The following TUT4 variants were observed in gnomAD, a reference collection of about 807,000 sequenced individuals.
The protein encoded by TUT4 is terminal uridylyl transferase 4.
A neutral mutation model predicts 192.2 loss-of-function variants in TUT4; 36 were observed. That is an observed-to-expected ratio of 0.19 (90% CI 0.14 to 0.25). The LOEUF (loss-of-function observed/expected upper bound fraction) is 0.25, where lower values mean the gene tolerates loss of function less well. Among genes scored for constraint, TUT4 ranks in the 10% least tolerant of loss-of-function variants. The pLI, the probability that TUT4 is intolerant of heterozygous loss-of-function variation, is 1.00. For synonymous variants in TUT4, 618 were observed against 666.0 expected (o/e 0.93, Z 1.11); for missense variants, 1,493 against 1,957.2 (o/e 0.76, Z 4.47).
chr1:52,453,439 TA>T (rs898211483), intron 20 of TUT4, among the ~76,000 whole-genome samples: 5 of 151,106 alleles, frequency 3.3e-5, no homozygotes, highest in African/African-American at 1.2e-4. Flanking sequence ...TTCTCCTTAG[TA>T]ACCCATCACA....
At chr1:52,456,102 A>G (rs1000873827) in intron 20 of TUT4, among the ~76,000 whole-genome samples, 1 of 152,154 alleles carries the variant, frequency 6.6e-6, no homozygotes, top group Non-Finnish European at 1.5e-5. Context: ...AGTATTACTG[A>G]GCACTAAAAA....
intron 1 of TUT4, chr1:52,529,665 ATT>A (rs1360689924): frequency 6.6e-6 from 1 of 152,210 alleles, no homozygotes; most frequent in Non-Finnish European, 1.5e-5. Flanking sequence ...CTTGTAAAAC[ATT>A]TTAGACAATT....
chr1:52,544,179 T>C (rs1687457880), intron 1 of TUT4, among the ~76,000 whole-genome samples: 1 of 151,524 alleles, frequency 6.6e-6, no homozygotes, highest in African/African-American at 2.4e-5. Flanking sequence ...CCCAGGCTAC[T>C]CGGGAGGCTG....
In TUT4 at chr1:52,481,838, T is replaced by G; in HGVS notation, c.1601A>C (p.Lys534Thr). Residue 534 changes from lysine (K) to threonine (T), a missense_variant, in exon 10 of 30, where the codon AAA becomes ACA. Physicochemically the swap from Lys to Thr is moderately conservative, Grantham distance 78. This residue lies in a region of TUT4 where 437 missense variants were observed against 577.6 expected (regional missense o/e 0.76). Coordinates refer to ENST00000257177, the MANE Select transcript of TUT4 (RefSeq NM_001009881.3). ...LMVMFFLQQRKPPLLPCLLGS... is the reference protein window; with the variant it reads ...LMVMFFLQQRTPPLLPCLLGS... ...AAGTAAGCAAGGAAGAAGAGGGGGT[T>G]TTCTCTGTTGTAGAAAAAACATCAC... is the stretch of plus-strand genomic sequence containing the variant. The G allele has an allele frequency of 6.3e-7, 1 of 1,596,988 alleles. No individual in the cohort carries two copies. Among genetic ancestry groups the G allele is most frequent in the African/African-American group, 1.4e-5 (1 of 73,992 alleles).
intron 8 of TUT4, 144 bp downstream of exon 8, chr1:52,490,588 T>C: frequency 1.7e-6 from 1 of 579,262 alleles, no homozygotes; most frequent in South Asian, 3.0e-5. Context: ...GTAAGCTTGC[T>C]ATTTTTAATG....
intron 9 of TUT4, among the ~76,000 whole-genome samples, chr1:52,488,350 A>C (rs533792653): frequency 5.9e-5 from 9 of 152,330 alleles, no homozygotes; most frequent in South Asian, 2.1e-4. Context: ...TGATATTGAT[A>C]ATTAACTACT....
rs1649488924 is a variant in TUT4 at position 52,425,330 on chromosome 1, A to AT, written c.4870+18_4870+19insA. On this transcript the variant is annotated intron_variant, in intron 29 of 29. Coordinates refer to ENST00000257177, the MANE Select transcript of TUT4 (RefSeq NM_001009881.3). ...TAAAACCCACCCAAGCCTGTTAACTAATTTGTAAGCAGTGGTACCTTGAGT... is the reference window on the plus strand; with the variant it reads ...TAAAACCCACCCAAGCCTGTTAACTATATTTGTAAGCAGTGGTACCTTGAGT... The AT allele has an allele frequency of 6.2e-7, 1 of 1,609,028 alleles. No individual in the cohort carries two copies. The highest frequency in any genetic ancestry group is 1.7e-5 in the Admixed American group (1 of 59,528).
At chr1:52,464,462 G>A (rs1284123394) in intron 16 of TUT4, among the ~76,000 whole-genome samples, 1 of 151,986 alleles carries the variant, frequency 6.6e-6, no homozygotes, top group African/African-American at 2.4e-5. Context: ...CACCATGTTG[G>A]CCAGGAGTGT....
At chr1:52,450,147 A>G (rs538995847) in intron 20 of TUT4, among the ~76,000 whole-genome samples, 12 of 152,326 alleles carry the variant, frequency 7.9e-5, no homozygotes, top group Non-Finnish European at 7.3e-5. Context: ...AAATGCTCTT[A>G]GCTGTGCCTT....
intron 12 of TUT4, among the ~76,000 whole-genome samples, 175 bp from the exon 13 acceptor site, chr1:52,475,710 C>T (rs1275070545): frequency 6.6e-6 from 1 of 152,062 alleles, no homozygotes; most frequent in Non-Finnish European, 1.5e-5. Context: ...ACAATTGCAA[C>T]ATTTTTTTCT....
chr1:52,521,759 T>C (rs1000820159), intron 2 of TUT4, among the ~76,000 whole-genome samples: 1 of 151,348 alleles, frequency 6.6e-6, no homozygotes, highest in Admixed American at 6.6e-5. Context: ...AGGTCAGGAG[T>C]TCAAGACCAG....
chr1:52,518,810 GTGGGGAA>G (rs1220968980), intron 2 of TUT4, among the ~76,000 whole-genome samples: 4 of 152,208 alleles, frequency 2.6e-5, no homozygotes, highest in Non-Finnish European at 5.9e-5. Flanking sequence ...GCTGGGGAAA[GTGGGGAA>G]TGGGGAGTAA....
Position 52,481,833 on chromosome 1 carries a change from G to T in TUT4, c.1606C>A (p.Pro536Thr), listed in dbSNP as rs774775492. 1.3e-6 allele frequency: 2 copies of T among 1,594,352 alleles called. No homozygotes were observed. ...CTTCCAAGTAAGCAAGGAAGAAGAG[G>T]GGGTTTTCTCTGTTGTAGAAAAAAC... is the stretch of plus-strand genomic sequence containing the variant. ...VMFFLQQRKP[P>T]LLPCLLGSWI... Residue 536 changes from proline to threonine, a missense_variant, in exon 10 of 30, where the codon CCT (proline) becomes ACT (threonine). By Grantham distance (38) the Pro-to-Thr change is conservative. This residue lies in a region of TUT4 where 437 missense variants were observed against 577.6 expected (regional missense o/e 0.76). Coordinates refer to ENST00000257177, the MANE Select transcript of TUT4 (RefSeq NM_001009881.3).
chr1:52,430,675 T>C (rs944828001), intron 28 of TUT4, among the ~76,000 whole-genome samples: 4 of 152,192 alleles, frequency 2.6e-5, no homozygotes, highest in African/African-American at 9.6e-5. Context: ...CCAAACTGAG[T>C]GGCAGTGAAA....
chr1:52,528,846 C>A (rs916463965), intron 1 of TUT4, among the ~76,000 whole-genome samples: 2 of 152,096 alleles, frequency 1.3e-5, no homozygotes, highest in Non-Finnish European at 2.9e-5. Flanking sequence ...TCCCAAGCAA[C>A]TAAGAACACA....
intron 2 of TUT4, among the ~76,000 whole-genome samples, chr1:52,519,513 C>CTT (rs200168317): frequency 2.8e-5 from 4 of 144,088 alleles, no homozygotes; most frequent in Non-Finnish European, 6.1e-5. Context: ...GTAAAATATT[C>CTT]TTTTTTTTTT....
chr1:52,524,794 C>T (rs1483235143), intron 2 of TUT4, among the ~76,000 whole-genome samples: 1 of 152,142 alleles, frequency 6.6e-6, no homozygotes, highest in Non-Finnish European at 1.5e-5. Context: ...CACAGTAAGA[C>T]TCTGTCTCAG....
At chr1:52,425,701 G>A (rs1041610327) in intron 28 of TUT4, among the ~76,000 whole-genome samples, 194 bp from the exon 29 acceptor site, 1 of 152,024 alleles carries the variant, frequency 6.6e-6, no homozygotes. Flanking sequence ...AGACATACAA[G>A]AAGAGATATA....
At chr1:52,492,135 A>C (rs1671314944) in intron 7 of TUT4, among the ~76,000 whole-genome samples, 1 of 152,164 alleles carries the variant, frequency 6.6e-6, no homozygotes, top group South Asian at 2.1e-4. Flanking sequence ...TCTGTAGTAA[A>C]CTTAAAAGTT....
Sources: allele counts gnomAD v4.1 joint callset (sites outside exome capture counted in the v4.1 genomes callset), GRCh38; gene constraint gnomAD v4.1.1; regional missense constraint gnomAD v4.1.1; transcripts MANE v1.5; gene names NCBI Gene and HGNC (gene_info 2026-07-23, HGNC 2026-07-21).